Variants in TRPS1 observed in about 807,000 individuals in gnomAD.
The protein encoded by TRPS1 is transcriptional repressor GATA binding 1, also known as zinc finger transcription factor Trps1.
A neutral mutation model predicts 101.2 loss-of-function variants in TRPS1; 6 were observed. The observed-to-expected ratio is 0.06, with a 90% CI of 0.03 to 0.12. The LOEUF is 0.12. TRPS1 is among the 10% of genes least tolerant of loss of function. The probability of loss-of-function intolerance (pLI) is 1.00; values close to 1 mark genes in which losing one functional copy is unlikely to be tolerated. For synonymous variants in TRPS1, 578 were observed against 589.8 expected, an observed-to-expected ratio of 0.98 and a Z score of 0.29; for missense variants, 1,363 against 1,567.0, an observed-to-expected ratio of 0.87 and a Z score of 2.20.
chr8:115,428,949 A>G (rs1475401943), intron 5 of TRPS1, among the ~76,000 whole-genome samples: 2 of 152,174 alleles, frequency 1.3e-5, no homozygotes, highest in Non-Finnish European at 2.9e-5. Context: ...CTCTGTGACC[A>G]CTATTGGTGA....
chr8:115,502,706 TAGCC>T (rs1815347464), intron 5 of TRPS1, among the ~76,000 whole-genome samples: 1 of 152,134 alleles, frequency 6.6e-6, no homozygotes, highest in South Asian at 2.1e-4. Context: ...CTGTTAAAAA[TAGCC>T]AGCCAATTCA....
intron 5 of TRPS1, among the ~76,000 whole-genome samples, chr8:115,498,415 C>CTCTATATATATA (rs1486361297): frequency 5.1e-5 from 2 of 39,312 alleles, no homozygotes; most frequent in African/African-American, 1.1e-4. Flanking sequence ...CTCTCTCTCT[C>CTCTATATATATA]TATATATATA....
At chr8:115,428,966 C>T (rs1205345067) in intron 5 of TRPS1, among the ~76,000 whole-genome samples, 1 of 152,078 alleles carries the variant, frequency 6.6e-6, no homozygotes, top group East Asian at 1.9e-4. Flanking sequence ...GTGAAACCGA[C>T]CATGAGCAGA....
At position 115,604,208 on chromosome 8, in the gene TRPS1, T is replaced by C. The variant is rs1817976251; in HGVS notation, c.1761A>G (p.Pro587=). 6.2e-7 allele frequency: 1 copy of C among 1,613,962 alleles called. No homozygotes were observed. Among genetic ancestry groups the C allele is most frequent in the African/African-American group, 1.3e-5 (1 of 74,924 alleles). ...AAGTAATTTCTCCAAGGTGCTTTTC[T>C]GGGCTGCAAAGTCCTCTGGGACAGA... is the stretch of plus-strand genomic sequence containing the variant. ...CPFCPRGLCS[P]EKHLGEITYP... Residue 587 remains proline, a synonymous_variant, in exon 4 of 7, where the codon CCA becomes CCG. Coordinates refer to ENST00000395715, the MANE Select transcript of TRPS1 (RefSeq NM_014112.5). This position sits in a 1 kb window ranked among gnomAD's most constrained non-coding sequence, Gnocchi z 4.1.
chr8:115,430,262 C>T, intron 5 of TRPS1, among the ~76,000 whole-genome samples: 1 of 152,136 alleles, frequency 6.6e-6, no homozygotes. Flanking sequence ...GTATAGGAGA[C>T]AGACTGCTGG....
At chr8:115,589,256 G>A (rs1817631810) in intron 4 of TRPS1, among the ~76,000 whole-genome samples, 1 of 152,114 alleles carries the variant, frequency 6.6e-6, no homozygotes, top group South Asian at 2.1e-4. Flanking sequence ...TCTCGTCAAA[G>A]GTAAAGGAAG....
chr8:115,567,297 CAT>C (rs1459187754), intron 5 of TRPS1, among the ~76,000 whole-genome samples: 2 of 152,072 alleles, frequency 1.3e-5, no homozygotes, highest in Non-Finnish European at 2.9e-5. Context: ...ATTTTTTCCA[CAT>C]GTTGATTCTT....
intron 5 of TRPS1, among the ~76,000 whole-genome samples, chr8:115,577,012 G>A (rs997347522): frequency 3.3e-5 from 5 of 152,148 alleles, no homozygotes; most frequent in African/African-American, 1.2e-4. Flanking sequence ...GAACTTTCAG[G>A]TAGGCAATTT....
rs966559065 is a variant in TRPS1 at position 115,409,734 on chromosome 8, CCTT to C, written c.*4286_*4288del. The C allele has an allele frequency of 3.3e-5, 5 of 152,082 alleles. No homozygotes were observed. Among genetic ancestry groups the C allele is most frequent in the African/African-American group, 1.2e-4 (5 of 41,416 alleles). The allele number at this position is 152,082 out of a possible 1,614,324, so 9.4% of individuals were successfully genotyped here. On this transcript the variant is annotated 3_prime_UTR_variant, in exon 7 of 7. Transcript: ENST00000395715. Reference sequence around the variant, plus strand: ...TGCCCTCCAAAGTCCCGACGGGCGTCCTTCTATCTTCTTCTCATTTGCAGTTGC... The same window carrying C: ...TGCCCTCCAAAGTCCCGACGGGCGTCCTATCTTCTTCTCATTTGCAGTTGC...
intron 1 of TRPS1, among the ~76,000 whole-genome samples, chr8:115,641,964 C>T (rs964120870): frequency 2.0e-5 from 3 of 152,104 alleles, no homozygotes; most frequent in Non-Finnish European, 4.4e-5. Flanking sequence ...GTAATCCCAG[C>T]ACTTTGGGAG....
chr8:115,482,737 A>G (rs868148685), intron 5 of TRPS1, among the ~76,000 whole-genome samples: 20 of 152,332 alleles, frequency 1.3e-4, no homozygotes, highest in African/African-American at 3.6e-4. Context: ...AAATAGCTTC[A>G]GTTGACCATC....
At chr8:115,557,780 G>A (rs1816857126) in intron 5 of TRPS1, among the ~76,000 whole-genome samples, 1 of 152,102 alleles carries the variant, frequency 6.6e-6, no homozygotes, top group South Asian at 2.1e-4. Context: ...TCCAAGAAGA[G>A]GTGCAAACAT....
At chr8:115,474,537 TC>T (rs1263299826) in intron 5 of TRPS1, among the ~76,000 whole-genome samples, 1 of 152,158 alleles carries the variant, frequency 6.6e-6, no homozygotes, top group Non-Finnish European at 1.5e-5. Context: ...TAAATTTTTT[TC>T]TTGTTCCACT....
At chr8:115,591,945 T>C (rs181349054) in intron 4 of TRPS1, among the ~76,000 whole-genome samples, 110 of 152,286 alleles carry the variant, frequency 7.2e-4, no homozygotes, top group African/African-American at 2.6e-3. Flanking sequence ...ATTTTATCTA[T>C]ATCAAGTCAA....
chr8:115,647,322 G>A (rs767110072), intron 1 of TRPS1, among the ~76,000 whole-genome samples: 12 of 152,100 alleles, frequency 7.9e-5, no homozygotes, highest in South Asian at 4.1e-4. Flanking sequence ...AAGCATGTCC[G>A]TAACAAGAAT....
At chr8:115,579,679 T>C (rs3808459) in intron 5 of TRPS1, among the ~76,000 whole-genome samples, 105,042 of 151,948 alleles carry the variant, frequency 0.69, 37,732 homozygotes, top group African/African-American at 0.89. Flanking sequence ...ATCTATAGTG[T>C]ATATACTTAG....
intron 5 of TRPS1, among the ~76,000 whole-genome samples, chr8:115,476,812 AACTGATAC>A (rs1375965519): frequency 6.6e-6 from 1 of 152,222 alleles, no homozygotes; most frequent in African/African-American, 2.4e-5. Flanking sequence ...TCAGAGCCAC[AACTGATAC>A]AACCATGCTT....
chr8:115,644,531 T>C (rs562057811), intron 1 of TRPS1, among the ~76,000 whole-genome samples: 2 of 152,362 alleles, frequency 1.3e-5, no homozygotes, highest in South Asian at 4.1e-4. Context: ...CTTGATCTTC[T>C]ACCCAACCAC....
intron 5 of TRPS1, among the ~76,000 whole-genome samples, chr8:115,568,855 G>T (rs1817135194): frequency 6.6e-6 from 1 of 152,072 alleles, no homozygotes; most frequent in Non-Finnish European, 1.5e-5. Flanking sequence ...TACTGAAATA[G>T]ACTTTCCTGC....
Sources: gnomAD v4.1 joint callset for allele counts (sites outside exome capture counted in the v4.1 genomes callset) on GRCh38, gnomAD v4.1.1 for gene constraint, Gnocchi (gnomAD v3.1) non-coding constraint, MANE v1.5 for transcripts, NCBI Gene and HGNC (gene_info 2026-07-23, HGNC 2026-07-21) for gene names.